NUDT3: variants seen among roughly 807,000 people sequenced by gnomAD.
NUDT3 encodes the protein diphosphoinositol polyphosphate phosphohydrolase 1.
In NUDT3, 9 loss-of-function variants were observed where a neutral mutation model predicts 23.6. The ratio of observed to expected loss-of-function variants is 0.38; its 90% CI spans 0.23 to 0.66. The LOEUF is 0.66. Among genes scored for constraint, NUDT3 ranks in the 30% least tolerant of loss-of-function variants. The pLI is 0.52. For missense variants in NUDT3, 172 were observed against 218.5 expected (o/e 0.79, Z 1.34); for synonymous variants, 86 against 82.6 (o/e 1.04, Z -0.22).
Position 34,317,769 on chromosome 6 carries a change from T to A in NUDT3, c.211-22084A>T, listed in dbSNP as rs1371882211. On this transcript the variant is annotated intron_variant, in intron 2 of 4. Coordinates refer to ENST00000607016, the MANE Select transcript of NUDT3 (RefSeq NM_006703.4). ...GTCAGCATCACCAACATAAGTCACA[T>A]AAATATATACAAGAGCAATATTCTC... Among the ~76,000 whole-genome samples, 4 of 152,324 alleles carry A rather than the reference T, an allele frequency of 2.6e-5. No homozygotes were observed. The East Asian group carries it at 5.8e-4, about 22-fold the overall frequency.
rs532898376 is a variant in NUDT3, at chr6:34,389,658, A to AAAAT, written c.99+2602_99+2605dup. Among the ~76,000 whole-genome samples the AAAAT allele has an allele frequency of 4.4e-3, 669 of 152,070 alleles. 2 individuals carry two copies. The highest frequency in any genetic ancestry group is 0.015 in the African/African-American group (608 of 41,472). ...GGGTGACACAGTAAGACCCTGTCTC[A>AAAAT]AAATAAATAAATAAATAAATAAAGG... On this transcript the variant is annotated intron_variant, in intron 1 of 4. Coordinates refer to ENST00000607016, the MANE Select transcript of NUDT3 (RefSeq NM_006703.4).
chr6:34,294,076 C>G (rs144803592), intron 3 of NUDT3, among the ~76,000 whole-genome samples: 2 of 152,300 alleles, frequency 1.3e-5, no homozygotes, highest in East Asian at 1.9e-4. Flanking sequence ...CAGCCTTGAC[C>G]TTCCTGAGCT....
At chr6:34,315,999 G>A (rs55779010) in intron 2 of NUDT3, among the ~76,000 whole-genome samples, 3 of 151,844 alleles carry the variant, frequency 2.0e-5, no homozygotes, top group Admixed American at 6.6e-5. Context: ...TGCCTTACTC[G>A]CCACTCTAGA....
At chr6:34,329,824 GGT>G in intron 2 of NUDT3, among the ~76,000 whole-genome samples, 1 of 152,060 alleles carries the variant, frequency 6.6e-6, no homozygotes, top group Non-Finnish European at 1.5e-5. Context: ...GGCAGGCCCT[GGT>G]GTGTGATGTT....
chr6:34,373,918 C>T (rs1250945297), intron 1 of NUDT3, among the ~76,000 whole-genome samples: 1 of 152,032 alleles, frequency 6.6e-6, no homozygotes, highest in Non-Finnish European at 1.5e-5. Flanking sequence ...CTTTGGGAGG[C>T]CAAGGCGGGC....
intron 2 of NUDT3, among the ~76,000 whole-genome samples, chr6:34,304,050 C>T (rs1441433397): frequency 1.3e-5 from 2 of 152,008 alleles, no homozygotes; most frequent in African/African-American, 2.4e-5. Flanking sequence ...GTCAGGAGTT[C>T]GAGAGTAGCC....
At chr6:34,380,622 CA>C (rs1344550190) in intron 1 of NUDT3, among the ~76,000 whole-genome samples, 2 of 152,142 alleles carry the variant, frequency 1.3e-5, no homozygotes, top group African/African-American at 4.8e-5. Flanking sequence ...TTACAGGGTT[CA>C]AAATGGATAG....
Position 34,280,449 on chromosome 6 carries a change from CCTT to C in NUDT3, c.*8301_*8303del, listed in dbSNP as rs1463752055. On this transcript the variant is annotated 3_prime_UTR_variant, in exon 5 of 5. Transcript: ENST00000607016. ...GGGTAAGGGCAATTTTACTCCAGCTCCTTGTTTTATAACCCGCACAAGGTGCCA... is the reference window on the plus strand; with the variant it reads ...GGGTAAGGGCAATTTTACTCCAGCTCGTTTTATAACCCGCACAAGGTGCCA... 23 of 152,324 alleles carry C rather than the reference CCTT, an allele frequency of 1.5e-4. No homozygotes were observed. The highest frequency in any genetic ancestry group is 2.9e-5 in the Non-Finnish European group (2 of 68,042). The allele number at this position is 152,324 out of a possible 1,614,324, so 9.4% of individuals were successfully genotyped here.
rs1763308226 is a variant in NUDT3, at chr6:34,284,051, G to C, written c.*4702C>G. 6.6e-6 allele frequency: 1 copy of C among 152,194 alleles called. No homozygotes were observed. Among genetic ancestry groups the C allele is most frequent in the Non-Finnish European group, 1.5e-5 (1 of 68,064 alleles). The allele number at this position is 152,194 out of a possible 1,614,324, so 9.4% of individuals were successfully genotyped here. ...ACATGCACAGCTCCATATCCTGGAAGCCTCTGTAGCCTTGAGGAGATAGGC... is the reference window on the plus strand; with the variant it reads ...ACATGCACAGCTCCATATCCTGGAACCCTCTGTAGCCTTGAGGAGATAGGC... On this transcript the variant is annotated 3_prime_UTR_variant, in exon 5 of 5. Transcript: ENST00000607016.
chr6:34,304,290 G>A (rs969159291), intron 2 of NUDT3, among the ~76,000 whole-genome samples: 7 of 151,550 alleles, frequency 4.6e-5, no homozygotes, highest in African/African-American at 1.5e-4. Flanking sequence ...GCTATCGCTG[G>A]GCATGGTGGC....
chr6:34,386,772 G>A (rs1295258180), intron 1 of NUDT3, among the ~76,000 whole-genome samples: 1 of 152,106 alleles, frequency 6.6e-6, no homozygotes, highest in East Asian at 1.9e-4. Context: ...CATTACTCAT[G>A]TGTTTATGGT....
At chr6:34,307,072 A>T (rs567170158) in intron 2 of NUDT3, among the ~76,000 whole-genome samples, 1 of 152,122 alleles carries the variant, frequency 6.6e-6, no homozygotes, top group Non-Finnish European at 1.5e-5. Context: ...AGAAGCAAAA[A>T]CATTTATATC....
intron 3 of NUDT3, among the ~76,000 whole-genome samples, chr6:34,295,340 T>G (rs962051186): frequency 6.6e-6 from 1 of 151,882 alleles, no homozygotes; most frequent in Non-Finnish European, 1.5e-5. Flanking sequence ...CTGGGCAACA[T>G]GGCAAGACCC....
At chr6:34,310,127 G>C (rs1763748712) in intron 2 of NUDT3, among the ~76,000 whole-genome samples, 2 of 152,116 alleles carry the variant, frequency 1.3e-5, no homozygotes, top group Non-Finnish European at 2.9e-5. Flanking sequence ...CGGCTACTCA[G>C]GAGGCTGAGG....
chr6:34,291,550 T>C (rs976748194), intron 4 of NUDT3, among the ~76,000 whole-genome samples: 4 of 152,088 alleles, frequency 2.6e-5, no homozygotes, highest in Non-Finnish European at 5.9e-5. Context: ...TTGCCCAGGC[T>C]GGAGTGCATT....
intron 2 of NUDT3, among the ~76,000 whole-genome samples, chr6:34,326,554 G>A (rs1764033056): frequency 6.6e-6 from 1 of 151,628 alleles, no homozygotes; most frequent in South Asian, 2.1e-4. Context: ...TTTCAAATTA[G>A]TTGCCCACAT....
intron 1 of NUDT3, among the ~76,000 whole-genome samples, chr6:34,386,538 C>T (rs1343490429): frequency 6.6e-6 from 1 of 152,054 alleles, no homozygotes; most frequent in Non-Finnish European, 1.5e-5. Flanking sequence ...ATCAGAATTT[C>T]AGCCTCTCAT....
At chr6:34,338,114 G>A (rs765093277) in intron 2 of NUDT3, among the ~76,000 whole-genome samples, 1 of 152,158 alleles carries the variant, frequency 6.6e-6, no homozygotes, top group Non-Finnish European at 1.5e-5. Context: ...TGCCCTTCAG[G>A]GTGTGCCTAC....
chr6:34,327,297 G>A (rs1383078039), intron 2 of NUDT3, among the ~76,000 whole-genome samples: 3 of 151,956 alleles, frequency 2.0e-5, no homozygotes, highest in Non-Finnish European at 4.4e-5. Context: ...TTGGGAGGCC[G>A]AGGCGGGTGG....
Sources: allele counts gnomAD v4.1 joint callset (sites outside exome capture counted in the v4.1 genomes callset), GRCh38; gene constraint gnomAD v4.1.1; transcripts MANE v1.5; gene names NCBI Gene and HGNC (gene_info 2026-07-23, HGNC 2026-07-21).